The following LRIG1 variants were observed in gnomAD, a reference collection of about 807,000 sequenced individuals.
LRIG1 encodes leucine-rich repeats and immunoglobulin-like domains protein 1.
Under a neutral mutation model 99.2 loss-of-function variants are expected in LRIG1, and 48 were observed. The observed-to-expected ratio is 0.48, with a 90% CI of 0.38 to 0.62. LRIG1 has a LOEUF of 0.62. Ranked by LOEUF, LRIG1 falls within the 20% of genes least tolerant of loss-of-function variation. The probability of loss-of-function intolerance (pLI) is 0.00; values close to 1 mark genes in which losing one functional copy is unlikely to be tolerated. For missense variants in LRIG1, 1,646 were observed against 1,434.4 expected, an observed-to-expected ratio of 1.15 and a Z score of -2.38; for synonymous variants, 772 against 596.1, an observed-to-expected ratio of 1.29 and a Z score of -4.30.
intron 6 of LRIG1, among the ~76,000 whole-genome samples, chr3:66,411,468 T>C (rs1702459640): frequency 1.3e-5 from 2 of 152,230 alleles, no homozygotes; most frequent in African/African-American, 4.8e-5. Flanking sequence ...CATGACCACC[T>C]TGGACTTCCA....
chr3:66,498,202 T>C (rs371306145), intron 1 of LRIG1: 2 of 152,190 alleles, frequency 1.3e-5, no homozygotes, highest in Non-Finnish European at 2.9e-5. Flanking sequence ...ATAATCAGTA[T>C]ACTAAAGTCT....
At chr3:66,387,129 G>T (rs1701413451) in intron 12 of LRIG1, 1 of 150,288 alleles carries the variant, frequency 6.7e-6, no homozygotes, top group African/African-American at 2.5e-5. Context: ...ACAACAATCA[G>T]TAGCCACTGT....
At chr3:66,424,619 A>G (rs1702920573) in intron 3 of LRIG1, among the ~76,000 whole-genome samples, 1 of 152,232 alleles carries the variant, frequency 6.6e-6, no homozygotes, top group Non-Finnish European at 1.5e-5. Context: ...TGACCAATTA[A>G]TGAACACCTA....
At chr3:66,468,015 G>A (rs1165360258) in intron 1 of LRIG1, among the ~76,000 whole-genome samples, 4 of 152,094 alleles carry the variant, frequency 2.6e-5, no homozygotes, top group African/African-American at 9.7e-5. Flanking sequence ...TTCAAAAACT[G>A]AAGTTATGAG....
At chr3:66,493,212 T>A (rs13316006) in intron 1 of LRIG1, among the ~76,000 whole-genome samples, 2,773 of 152,252 alleles carry the variant, frequency 0.018, 89 homozygotes, top group African/African-American at 0.063. Flanking sequence ...TGAGAGGTGC[T>A]ACTTGCACCT....
intron 1 of LRIG1, among the ~76,000 whole-genome samples, chr3:66,475,784 G>A (rs901116621): frequency 6.6e-5 from 10 of 152,212 alleles, no homozygotes; most frequent in African/African-American, 1.9e-4. Flanking sequence ...AAGCACCTGA[G>A]AAAAGATCGT....
chr3:66,394,718 G>A (rs1198096131), intron 11 of LRIG1, among the ~76,000 whole-genome samples: 1 of 152,104 alleles, frequency 6.6e-6, no homozygotes, highest in Non-Finnish European at 1.5e-5. Flanking sequence ...CAAGTTCCGA[G>A]GAGGGCTCTT....
intron 15 of LRIG1, 134 bp downstream of exon 15, chr3:66,382,848 A>G (rs1701162168): frequency 6.6e-6 from 5 of 757,632 alleles, no homozygotes; most frequent in South Asian, 1.9e-5. Context: ...TTAAAATGGA[A>G]TTAGTGGGAC....
intron 1 of LRIG1, among the ~76,000 whole-genome samples, chr3:66,467,040 C>T (rs754957466): frequency 3.9e-5 from 6 of 152,164 alleles, no homozygotes; most frequent in Non-Finnish European, 7.3e-5. Flanking sequence ...GAAAGATGAC[C>T]GTTCAGCCCA....
intron 3 of LRIG1, among the ~76,000 whole-genome samples, chr3:66,434,872 C>T (rs891465287): frequency 7.9e-5 from 12 of 151,860 alleles, no homozygotes; most frequent in Non-Finnish European, 1.2e-4. Context: ...AAGAGTCTGA[C>T]GGTTTCTTAA....
chr3:66,402,606 A>C (rs1702102004), intron 9 of LRIG1, among the ~76,000 whole-genome samples: 1 of 152,132 alleles, frequency 6.6e-6, no homozygotes, highest in African/African-American at 2.4e-5. Flanking sequence ...AGGGGTCTCT[A>C]CCTTCCCATC....
chr3:66,405,989 G>A, intron 8 of LRIG1: 2 of 992,094 alleles, frequency 2.0e-6, no homozygotes, highest in Non-Finnish European at 1.2e-6. Flanking sequence ...CATCACACCT[G>A]GAGACCAGGC....
chr3:66,499,745 G>A (rs1056425046), intron 1 of LRIG1, among the ~76,000 whole-genome samples: 1 of 152,156 alleles, frequency 6.6e-6, no homozygotes, highest in Admixed American at 6.5e-5. Flanking sequence ...AAGGAGCTCA[G>A]ACACCAAATA....
intron 1 of LRIG1, among the ~76,000 whole-genome samples, chr3:66,497,214 C>T (rs965933275): frequency 2.6e-5 from 4 of 152,188 alleles, no homozygotes; most frequent in African/African-American, 9.7e-5. Context: ...ATCCCAATCC[C>T]AATGGGCTAC....
At position 66,412,991 on chromosome 3, in the gene LRIG1, C is replaced by G. The variant is rs142754753; in HGVS notation, c.671G>C (p.Arg224Pro). 6.2e-7 allele frequency: 1 copy of G among 1,614,086 alleles called. No individual in the cohort carries two copies. The highest frequency in any genetic ancestry group is 1.3e-5 in the African/African-American group (1 of 74,928). Residue 224 changes from arginine (R) to proline (P), a missense_variant, in exon 6 of 19, where the codon CGG becomes CCG. Physicochemically the swap from Arg to Pro is moderately radical, Grantham distance 103. Coordinates refer to ENST00000273261, the MANE Select transcript of LRIG1 (RefSeq NM_015541.3). ...TQLDLNRNRI[R>P]LIEGLTFQGL... ...CTGGAAGGTGAGGCCCTCTATCAGC[C>G]GAATCCTGTTCCGATTGAGGTCCCT...
intron 1 of LRIG1, among the ~76,000 whole-genome samples, chr3:66,493,011 T>C (rs1476005157): frequency 6.6e-6 from 1 of 152,172 alleles, no homozygotes; most frequent in African/African-American, 2.4e-5. Flanking sequence ...TACTATGCAA[T>C]TCCAAACAGA....
At chr3:66,469,753 T>G (rs1462546218) in intron 1 of LRIG1, among the ~76,000 whole-genome samples, 1 of 152,164 alleles carries the variant, frequency 6.6e-6, no homozygotes, top group African/African-American at 2.4e-5. Flanking sequence ...TGACTTGAAG[T>G]GGTTTACAAC....
chr3:66,383,345 C>A lies in LRIG1; in HGVS notation c.2128G>T (p.Val710Leu). 6 of 1,593,122 alleles carry A rather than the reference C, an allele frequency of 3.8e-6. No individual in the cohort carries two copies. The highest frequency in any genetic ancestry group is 5.1e-6 in the Non-Finnish European group (6 of 1,165,234). ...CCCGTGGCTTTGCATTGGAGGGCCA[C>A]TGTTTCTCCCACAGATACCACACGG... ...EDRVVSVGETVALQCKATGNP... is the reference protein window; with the variant it reads ...EDRVVSVGETLALQCKATGNP... Residue 710 changes from valine to leucine, a missense_variant, in exon 15 of 19, where the codon GTG (valine) becomes TTG (leucine). Physicochemically the swap from Val to Leu is conservative, Grantham distance 32 (BLOSUM62 1). Coordinates refer to ENST00000273261, the MANE Select transcript of LRIG1 (RefSeq NM_015541.3).
chr3:66,423,248 TTA>T (rs1450601994), intron 3 of LRIG1, among the ~76,000 whole-genome samples: 1 of 152,182 alleles, frequency 6.6e-6, no homozygotes, highest in African/African-American at 2.4e-5. Flanking sequence ...ATGGTAAATT[TTA>T]TGTTATGTGT....
Sources: allele counts gnomAD v4.1 joint callset (sites outside exome capture counted in the v4.1 genomes callset), GRCh38; gene constraint gnomAD v4.1.1; transcripts MANE v1.5; gene names NCBI Gene and HGNC (gene_info 2026-07-23, HGNC 2026-07-21).